Variants in PID1 observed in about 807,000 individuals in gnomAD.
The protein encoded by PID1 is PTB-containing, cubilin and LRP1-interacting protein.
Under a neutral mutation model 19.1 loss-of-function variants are expected in PID1, and 10 were observed. The ratio of observed to expected loss-of-function variants is 0.52; its 90% CI spans 0.32 to 0.89. PID1 has a LOEUF of 0.89. Ranked by LOEUF, PID1 falls within the 40% of genes least tolerant of loss-of-function variation. The pLI, the probability that PID1 is intolerant of heterozygous loss-of-function variation, is 0.03. For synonymous variants in PID1, 130 were observed against 116.0 expected (o/e 1.12, Z -0.78); for missense variants, 248 against 285.3 (o/e 0.87, Z 0.94).
At chr2:229,068,098 A>G (rs1694369068) in intron 2 of PID1, among the ~76,000 whole-genome samples, 1 of 152,144 alleles carries the variant, frequency 6.6e-6, no homozygotes, top group Non-Finnish European at 1.5e-5. Context: ...GAAAACTTGG[A>G]CACCAGGGTC....
chr2:229,057,454 T>TAAA (rs33998510), intron 2 of PID1, among the ~76,000 whole-genome samples: 1 of 119,918 alleles, frequency 8.3e-6, no homozygotes, highest in Non-Finnish European at 1.8e-5. Context: ...AAACTCTGTC[T>TAAA]AAAAAAAAAA....
At chr2:229,169,300 AG>A (rs1690663895) in intron 1 of PID1, among the ~76,000 whole-genome samples, 1 of 152,070 alleles carries the variant, frequency 6.6e-6, no homozygotes, top group Non-Finnish European at 1.5e-5. Flanking sequence ...TCTATATATC[AG>A]TCTAGTTGGA....
chr2:229,177,636 T>C (rs529225142), intron 1 of PID1, among the ~76,000 whole-genome samples: 1 of 152,292 alleles, frequency 6.6e-6, no homozygotes, highest in South Asian at 2.1e-4. Context: ...CAGATTGTTG[T>C]TTTAGACTTC....
At chr2:229,266,794 G>A (rs1044711420) in intron 1 of PID1, among the ~76,000 whole-genome samples, 3 of 152,104 alleles carry the variant, frequency 2.0e-5, no homozygotes, top group East Asian at 1.9e-4. Flanking sequence ...AAAGCTCCTC[G>A]GCACAGTGCC....
intron 1 of PID1, among the ~76,000 whole-genome samples, chr2:229,209,039 T>C (rs1691667751): frequency 6.6e-6 from 1 of 152,154 alleles, no homozygotes; most frequent in Non-Finnish European, 1.5e-5. Flanking sequence ...TGTTCAATTC[T>C]AGGCTAGAGT....
At chr2:229,113,407 T>G (rs1455031868) in intron 2 of PID1, among the ~76,000 whole-genome samples, 2 of 141,632 alleles carry the variant, frequency 1.4e-5, no homozygotes, top group Non-Finnish European at 3.0e-5. Flanking sequence ...TATATATATA[T>G]ATTTATATAT....
At chr2:229,055,876 T>C (rs183069696) in intron 2 of PID1, among the ~76,000 whole-genome samples, 32 of 152,328 alleles carry the variant, frequency 2.1e-4, no homozygotes, top group Admixed American at 1.9e-3. Context: ...TTATACTCAA[T>C]TCTAATCTTG....
chr2:229,100,677 G>C (rs138142862), intron 2 of PID1, among the ~76,000 whole-genome samples: 76 of 152,272 alleles, frequency 5.0e-4, no homozygotes, highest in Middle Eastern at 3.4e-3. Flanking sequence ...AAGGTCCCTT[G>C]ACTCCCCAGA....
intron 2 of PID1, among the ~76,000 whole-genome samples, chr2:229,056,612 A>ATAT (rs375335991): frequency 2.7e-5 from 4 of 148,146 alleles, no homozygotes; most frequent in Non-Finnish European, 6.0e-5. Context: ...AAATAAAAAT[A>ATAT]ATATATATAT....
At chr2:229,097,134 A>G (rs1051814347) in intron 2 of PID1, among the ~76,000 whole-genome samples, 1 of 152,320 alleles carries the variant, frequency 6.6e-6, no homozygotes, top group South Asian at 2.1e-4. Context: ...TGATTATGAA[A>G]ATGAAGTTCT....
chr2:229,236,539 C>A (rs550971869), intron 1 of PID1: 2 of 152,222 alleles, frequency 1.3e-5, no homozygotes, highest in East Asian at 1.9e-4. Context: ...CCAGTCTGGA[C>A]AGTCAGAACA....
intron 1 of PID1, among the ~76,000 whole-genome samples, chr2:229,228,280 T>A (rs1020957454): frequency 3.9e-5 from 6 of 152,212 alleles, no homozygotes; most frequent in Admixed American, 6.5e-5. Flanking sequence ...CATTTTCTGT[T>A]ACAATTGTTA....
At chr2:229,258,917 C>T (rs1690381665) in intron 1 of PID1, among the ~76,000 whole-genome samples, 1 of 151,460 alleles carries the variant, frequency 6.6e-6, no homozygotes, top group African/African-American at 2.4e-5. Context: ...CCAAAACTTA[C>T]CCCAATCCCC....
chr2:229,113,487 T>TAA (rs1333897701), intron 2 of PID1, among the ~76,000 whole-genome samples: 14 of 129,376 alleles, frequency 1.1e-4, no homozygotes, highest in Admixed American at 1.8e-4. Flanking sequence ...TATATATATA[T>TAA]ACATGTATGT....
At chr2:229,048,049 C>A (rs1693918351) in intron 2 of PID1, among the ~76,000 whole-genome samples, 1 of 152,146 alleles carries the variant, frequency 6.6e-6, no homozygotes, top group African/African-American at 2.4e-5. Context: ...TTAGGGTGAG[C>A]CTCAGAGTGG....
intron 2 of PID1, among the ~76,000 whole-genome samples, chr2:229,076,762 A>G (rs1485199986): frequency 6.6e-6 from 1 of 152,178 alleles, no homozygotes; most frequent in Non-Finnish European, 1.5e-5. Context: ...TCCATGGTAT[A>G]TATGTGCCAC....
chr2:229,109,860 T>G (rs1324823333), intron 2 of PID1, among the ~76,000 whole-genome samples: 1 of 152,238 alleles, frequency 6.6e-6, no homozygotes, highest in Non-Finnish European at 1.5e-5. Context: ...ATTCAATCAC[T>G]GCAGCTATCC....
At chr2:229,165,695 T>C (rs559522553) in intron 1 of PID1, among the ~76,000 whole-genome samples, 1 of 152,292 alleles carries the variant, frequency 6.6e-6, no homozygotes, top group African/African-American at 2.4e-5. Context: ...AACAATGTTA[T>C]AATAAACAGG....
At chr2:229,193,565 G>A (rs934285536) in intron 1 of PID1, among the ~76,000 whole-genome samples, 1 of 152,130 alleles carries the variant, frequency 6.6e-6, no homozygotes, top group African/African-American at 2.4e-5. Context: ...CAGACCACAT[G>A]TAAAGACAAA....
Sources: gnomAD v4.1 joint callset for allele counts (sites outside exome capture counted in the v4.1 genomes callset) on GRCh38, gnomAD v4.1.1 for gene constraint, MANE v1.5 for transcripts, NCBI Gene and HGNC (gene_info 2026-07-23, HGNC 2026-07-21) for gene names.